Variants in HMCN1 observed in about 807,000 individuals in gnomAD.
The protein encoded by HMCN1 is hemicentin-1.
Under a neutral mutation model 625.9 loss-of-function variants are expected in HMCN1, and 321 were observed. That is an observed-to-expected ratio of 0.51 (90% CI 0.47 to 0.56). The LOEUF (loss-of-function observed/expected upper bound fraction) is 0.56, where lower values mean the gene tolerates loss of function less well. Among genes scored for constraint, HMCN1 ranks in the 20% least tolerant of loss-of-function variants. HMCN1 has a pLI of 0.00. For missense variants in HMCN1, 6,588 were observed against 6,887.3 expected (o/e 0.96, Z 1.54); for synonymous variants, 2,425 against 2,417.6 (o/e 1.00, Z -0.09).
At chr1:186,158,173 G>A (rs1164156922) in intron 97 of HMCN1, among the ~76,000 whole-genome samples, 2 of 149,986 alleles carry the variant, frequency 1.3e-5, no homozygotes, top group Non-Finnish European at 2.9e-5. Context: ...GTTTTGATTT[G>A]CATTTCTCTG....
intron 4 of HMCN1, among the ~76,000 whole-genome samples, chr1:185,890,293 T>C (rs995576773): frequency 1.3e-5 from 2 of 148,390 alleles, no homozygotes; most frequent in Non-Finnish European, 2.9e-5. Context: ...TGAAAGGTTT[T>C]TTGTGTCTCA....
intron 2 of HMCN1, among the ~76,000 whole-genome samples, chr1:185,860,023 C>T (rs1029872051): frequency 3.3e-5 from 5 of 151,932 alleles, no homozygotes; most frequent in Admixed American, 1.3e-4. Context: ...GAAAACCGAA[C>T]TGAAATATCA....
intron 42 of HMCN1, among the ~76,000 whole-genome samples, chr1:186,049,672 CT>C (rs1328571706): frequency 1.3e-5 from 2 of 151,884 alleles, no homozygotes; most frequent in African/African-American, 4.8e-5. Context: ...TTTGTTTAAA[CT>C]TTTTAATTAT....
chr1:186,157,827 A>C (rs1651132039), intron 97 of HMCN1, among the ~76,000 whole-genome samples: 2 of 152,114 alleles, frequency 1.3e-5, no homozygotes, highest in South Asian at 4.2e-4. Context: ...CATTTTCTTA[A>C]TCCAGTCTAT....
At chr1:185,742,574 T>C (rs925020557) in intron 1 of HMCN1, among the ~76,000 whole-genome samples, 7 of 152,214 alleles carry the variant, frequency 4.6e-5, no homozygotes, top group African/African-American at 1.7e-4. Context: ...GAAATTCAAA[T>C]TGAAATGTTT....
intron 36 of HMCN1, among the ~76,000 whole-genome samples, chr1:186,030,723 T>C (rs1030901117): frequency 3.3e-5 from 5 of 151,944 alleles, no homozygotes; most frequent in Admixed American, 3.3e-4. Context: ...TCATTGGTTA[T>C]ATATTTTAAT....
At chr1:186,058,519 A>G (rs2102298018) in intron 46 of HMCN1, among the ~76,000 whole-genome samples, 1 of 152,020 alleles carries the variant, frequency 6.6e-6, no homozygotes, top group East Asian at 1.9e-4. Context: ...TTTAACCTGG[A>G]AAAATAAATC....
chr1:186,174,010 A>G (rs1228005747), intron 102 of HMCN1, among the ~76,000 whole-genome samples: 1 of 152,220 alleles, frequency 6.6e-6, no homozygotes. Flanking sequence ...ACAGAACATA[A>G]TTTATCATTT....
chr1:185,989,684 G>T (rs1479305147), intron 21 of HMCN1, 37 bp downstream of exon 21: 3 of 1,601,802 alleles, frequency 1.9e-6, no homozygotes, highest in African/African-American at 1.3e-5. Context: ...TATTGACATT[G>T]TCTATCTGTG....
chr1:186,110,974 A>ATTTTTTTTTTTTTTTTTTTTT lies in HMCN1; in HGVS notation c.10990-1836_10990-1835insTTTTTTTTTTTTTTTTTTTTT, dbSNP rs778503338. 4.8e-4 allele frequency among the ~76,000 whole-genome samples: 29 copies of ATTTTTTTTTTTTTTTTTTTTT among 59,932 alleles called. 1 individual carries two copies. The highest frequency in any genetic ancestry group is 1.9e-3 in the African/African-American group (12 of 6,448). 39.3% of individuals were successfully genotyped at this position (59,932 alleles called of 152,430 possible). A position where few individuals can be genotyped will look rare whatever the true frequency, so the allele number is the denominator to read the frequency against. On this transcript the variant is annotated intron_variant, in intron 71 of 106. Transcript: ENST00000271588. ...GTCTACGGAAGAAAAACCAGAGAAA[A>ATTTTTTTTTTTTTTTTTTTTT]TTCTTTTTTTTTTTTTTTTTTTTTG...
At chr1:186,032,786 T>C (rs1313579161) in intron 36 of HMCN1, among the ~76,000 whole-genome samples, 1 of 151,630 alleles carries the variant, frequency 6.6e-6, no homozygotes, top group Non-Finnish European at 1.5e-5. Flanking sequence ...GTGGATGTGC[T>C]GAAAGGGAAC....
At chr1:186,159,081 T>A (rs1651246117) in intron 97 of HMCN1, among the ~76,000 whole-genome samples, 2 of 152,058 alleles carry the variant, frequency 1.3e-5, no homozygotes, top group Non-Finnish European at 2.9e-5. Flanking sequence ...TGTTCTTCCA[T>A]TTGTTTGTAT....
chr1:185,837,314 C>A (rs1177524801), intron 1 of HMCN1, among the ~76,000 whole-genome samples: 1 of 151,914 alleles, frequency 6.6e-6, no homozygotes, highest in Non-Finnish European at 1.5e-5. Context: ...TTCTTTCTTA[C>A]ACAGTATACT....
chr1:185,994,557 ATATT>A (rs1652653523), intron 23 of HMCN1, among the ~76,000 whole-genome samples: 1 of 152,104 alleles, frequency 6.6e-6, no homozygotes, highest in Non-Finnish European at 1.5e-5. Context: ...TAAGAGTTTT[ATATT>A]TATTATTTCC....
At chr1:185,980,454 G>A (rs909102281) in intron 16 of HMCN1, among the ~76,000 whole-genome samples, 4 of 152,210 alleles carry the variant, frequency 2.6e-5, no homozygotes, top group African/African-American at 9.6e-5. Context: ...GAGCTTCAAA[G>A]TCGTGCTGGA....
At chr1:185,783,650 C>T (rs1657323147) in intron 1 of HMCN1, among the ~76,000 whole-genome samples, 2 of 152,182 alleles carry the variant, frequency 1.3e-5, no homozygotes, top group South Asian at 4.1e-4. Flanking sequence ...GTGGAGGCTG[C>T]AAAACAGCAA....
At chr1:185,974,377 CTT>C (rs1441419650) in intron 15 of HMCN1, among the ~76,000 whole-genome samples, 1 of 152,160 alleles carries the variant, frequency 6.6e-6, no homozygotes, top group Non-Finnish European at 1.5e-5. Flanking sequence ...AAGATCATCT[CTT>C]TTAACAACAT....
intron 44 of HMCN1, among the ~76,000 whole-genome samples, chr1:186,054,405 TAA>T (rs894291909): frequency 7.2e-5 from 11 of 152,040 alleles, no homozygotes; most frequent in African/African-American, 2.4e-4. Context: ...AGCTGTTATA[TAA>T]GACAAAACTG....
At chr1:186,091,073 T>G (rs1558215676) in intron 64 of HMCN1, among the ~76,000 whole-genome samples, 156 bp downstream of exon 64, 1 of 152,022 alleles carries the variant, frequency 6.6e-6, no homozygotes, top group Non-Finnish European at 1.5e-5. Context: ...TTTTGAGAAC[T>G]GGACATAGAC....
Sources: gnomAD v4.1 joint callset for allele counts (sites outside exome capture counted in the v4.1 genomes callset) on GRCh38, gnomAD v4.1.1 for gene constraint, MANE v1.5 for transcripts, NCBI Gene and HGNC (gene_info 2026-07-23, HGNC 2026-07-21) for gene names.